GRIP1: variants seen among roughly 807,000 people sequenced by gnomAD.
GRIP1 encodes the protein glutamate receptor-interacting protein 1.
GRIP1 carries 45 observed loss-of-function variants against 129.9 expected under a neutral mutation model. The observed-to-expected ratio is 0.35, with a 90% CI of 0.27 to 0.44. GRIP1 has a LOEUF of 0.44. Ranked by LOEUF, GRIP1 falls within the 20% of genes least tolerant of loss-of-function variation. The pLI, the probability that GRIP1 is intolerant of heterozygous loss-of-function variation, is 1.00. For missense variants in GRIP1, 1,196 were observed against 1,396.8 expected (o/e 0.86, Z 2.29); for synonymous variants, 530 against 520.8 (o/e 1.02, Z -0.24).
At chr12:66,647,348 A>G (rs2032456194) in intron 1 of GRIP1, 1 of 152,220 alleles carries the variant, frequency 6.6e-6, no homozygotes, top group Non-Finnish European at 1.5e-5. Flanking sequence ...TTAGGTGGAC[A>G]TGTTGTATTT....
Position 66,606,504 on chromosome 12 carries a change from T to C in GRIP1, c.56-9577A>G, listed in dbSNP as rs189607976. 1.3e-4 allele frequency among the ~76,000 whole-genome samples: 20 copies of C among 152,050 alleles called. No individual in the cohort carries two copies. The East Asian group carries it at 3.9e-3, about 29-fold the overall frequency. On this transcript the variant is annotated intron_variant, in intron 1 of 24. Transcript: ENST00000359742. ...GCCTTTTTAATGTAAATGATACTAA[T>C]AACTTTATAAATAATTAGAGCTAAT...
At chr12:66,722,629 T>G (rs1026612688) in intron 1 of GRIP1, among the ~76,000 whole-genome samples, 2 of 152,112 alleles carry the variant, frequency 1.3e-5, no homozygotes, top group Non-Finnish European at 2.9e-5. Flanking sequence ...CATCAATTAA[T>G]AAAAAACACA....
chr12:66,846,204 A>C (rs1221790738), intron 1 of GRIP1, among the ~76,000 whole-genome samples: 1 of 152,196 alleles, frequency 6.6e-6, no homozygotes, highest in Non-Finnish European at 1.5e-5. Context: ...TCCTTCTTCA[A>C]TGAGATCTAG....
At position 66,475,875 on chromosome 12, in the gene GRIP1, A is replaced by G. The variant is rs552861031; in HGVS notation, c.725-10453T>C. 3.3e-5 allele frequency among the ~76,000 whole-genome samples: 5 copies of G among 152,368 alleles called. No individual in the cohort carries two copies. The South Asian group carries it at 8.3e-4, about 25-fold the overall frequency. On this transcript the variant is annotated intron_variant, in intron 7 of 24. Transcript: ENST00000359742. The stretch of plus-strand genomic sequence containing the variant: ...ACACTAAATGCCCACAAGAGAAAGC[A>G]GGAAAGATCTAAAATTGATACCCTA...
chr12:66,423,280 C>T (rs2057871850), intron 14 of GRIP1, among the ~76,000 whole-genome samples: 1 of 152,184 alleles, frequency 6.6e-6, no homozygotes, highest in Non-Finnish European at 1.5e-5. Flanking sequence ...GCTTACCATA[C>T]AGTTTTTGTT....
chr12:66,750,525 C>T (rs940000178), intron 1 of GRIP1, among the ~76,000 whole-genome samples: 5 of 152,130 alleles, frequency 3.3e-5, no homozygotes, highest in Non-Finnish European at 7.3e-5. Context: ...GGGAGGAGGT[C>T]ACAGGTCCTG....
At chr12:66,579,204 C>A (rs887841490) in intron 2 of GRIP1, among the ~76,000 whole-genome samples, 111 of 152,322 alleles carry the variant, frequency 7.3e-4, no homozygotes, top group Non-Finnish European at 1.2e-3. Context: ...AGGGTCCTGT[C>A]TGTTAGAAGG....
At chr12:66,406,242 C>A (rs1341575669) in intron 16 of GRIP1, 41 bp downstream of exon 16, 1 of 1,597,444 alleles carries the variant, frequency 6.3e-7, no homozygotes, top group Non-Finnish European at 8.6e-7. Flanking sequence ...GACAGATGGG[C>A]AGTTCGAAAA....
chr12:67,030,388 C>G (rs560486415), intron 1 of GRIP1, among the ~76,000 whole-genome samples: 1 of 152,166 alleles, frequency 6.6e-6, no homozygotes, highest in African/African-American at 2.4e-5. Context: ...CATCCCCATG[C>G]AGCACAGATT....
intron 1 of GRIP1, among the ~76,000 whole-genome samples, chr12:67,048,590 G>A (rs1798806991): frequency 6.6e-6 from 1 of 151,716 alleles, no homozygotes; most frequent in Admixed American, 6.6e-5. Flanking sequence ...CTCCCAAATA[G>A]CTGGGACTAA....
rs146011415 is a variant in GRIP1, at chr12:66,737,060, C to T, written c.-420+66993G>A. On this transcript the variant is annotated intron_variant, in intron 1 of 4. Transcript: ENST00000538373. ...ATACTAATGTTAGAAGAGCTGGCCA[C>T]GATCATGTGTGCATCTGGGTGGGTT... Among the ~76,000 whole-genome samples, 48 of 152,096 alleles carry T rather than the reference C, an allele frequency of 3.2e-4. No homozygotes were observed. In the East Asian group the frequency reaches 3.5e-3, roughly 11 times the overall value.
At chr12:66,479,424 T>G (rs1178924865) in intron 7 of GRIP1, among the ~76,000 whole-genome samples, 1 of 152,138 alleles carries the variant, frequency 6.6e-6, no homozygotes, top group African/African-American at 2.4e-5. Flanking sequence ...GAGGCAGTAA[T>G]TAATAGTCTA....
At chr12:66,420,638 G>GGTGC in intron 15 of GRIP1, 82 bp downstream of exon 15, 1 of 807,324 alleles carries the variant, frequency 1.2e-6, no homozygotes, top group Non-Finnish European at 2.2e-6. Context: ...CATTAGAAAG[G>GGTGC]TTTGCTTTGG....
intron 1 of GRIP1, among the ~76,000 whole-genome samples, chr12:66,895,257 G>C (rs148531510): frequency 3.3e-5 from 5 of 152,096 alleles, no homozygotes; most frequent in African/African-American, 1.2e-4. Context: ...GAATCAAGGG[G>C]GTGGGTTTTT....
At chr12:66,679,213 C>T, upstream of GRIP1, 1 of 1,089,720 alleles carries the variant, frequency 9.2e-7, no homozygotes, top group Non-Finnish European at 1.2e-6. Flanking sequence ...AGGGACGACA[C>T]TGTGTGAGGA....
intron 1 of GRIP1, among the ~76,000 whole-genome samples, chr12:66,670,755 G>C (rs2034041131): frequency 6.6e-6 from 1 of 152,194 alleles, no homozygotes; most frequent in South Asian, 2.1e-4. Context: ...GCTCCCTTAA[G>C]GTAGTTCTTG....
At chr12:67,066,617 T>C (rs1374177776) in intron 1 of GRIP1, among the ~76,000 whole-genome samples, 1 of 152,138 alleles carries the variant, frequency 6.6e-6, no homozygotes, top group East Asian at 1.9e-4. Flanking sequence ...AAATTTAAAA[T>C]GTATTTGTTC....
At chr12:66,861,157 CATA>C (rs1422794769) in intron 1 of GRIP1, among the ~76,000 whole-genome samples, 6 of 152,056 alleles carry the variant, frequency 3.9e-5, no homozygotes, top group African/African-American at 1.4e-4. Context: ...GGTAATGATA[CATA>C]ATAATATTCT....
intron 2 of GRIP1, among the ~76,000 whole-genome samples, chr12:66,542,675 G>A (rs891592264): frequency 6.6e-6 from 1 of 152,162 alleles, no homozygotes; most frequent in Non-Finnish European, 1.5e-5. Context: ...TTTAGTCAGA[G>A]CAGAAGGTAA....
Sources: allele counts gnomAD v4.1 joint callset (sites outside exome capture counted in the v4.1 genomes callset), GRCh38; gene constraint gnomAD v4.1.1; transcripts MANE v1.5; gene names NCBI Gene and HGNC (gene_info 2026-07-23, HGNC 2026-07-21).